SCN3B: variants seen among roughly 807,000 people sequenced by gnomAD.
SCN3B encodes the protein sodium channel regulatory subunit beta-3.
In SCN3B, 11 loss-of-function variants were observed where a neutral mutation model predicts 25.4. That is an observed-to-expected ratio of 0.43 (90% CI 0.27 to 0.72). The LOEUF (loss-of-function observed/expected upper bound fraction) is 0.72, where lower values mean the gene tolerates loss of function less well. SCN3B is among the 30% of genes least tolerant of loss of function. The pLI, the probability that SCN3B is intolerant of heterozygous loss-of-function variation, is 0.18. For missense variants in SCN3B, 218 were observed against 278.3 expected, an observed-to-expected ratio of 0.78 and a Z score of 1.54; for synonymous variants, 109 against 110.7, an observed-to-expected ratio of 0.99 and a Z score of 0.09.
intron 3 of SCN3B, among the ~76,000 whole-genome samples, chr11:123,644,788 AGAGAGAGAGAGAATATATATATAT>A (rs1182507481): frequency 0.024 from 2,503 of 104,712 alleles, 105 homozygotes; most frequent in Admixed American, 0.13. Context: ...AGAGAGAGAG[AGAGAGAGAGAGAATATATATATAT>A]ATATATATAT....
At chr11:123,653,211 T>C (rs1022081489) in intron 2 of SCN3B, among the ~76,000 whole-genome samples, 13 of 152,088 alleles carry the variant, frequency 8.5e-5, no homozygotes, top group Admixed American at 3.9e-4. Context: ...ATTTATTTAA[T>C]ATATAGCAGT....
In SCN3B at chr11:123,645,664, A is replaced by G. The variant is rs1488540851; in HGVS notation, c.142T>C (p.Cys48Arg). Residue 48 changes from cysteine to arginine, a missense_variant, in exon 3 of 7, where the codon TGC (cysteine) becomes CGC (arginine). Coordinates refer to ENST00000299333, the MANE Select transcript of SCN3B (RefSeq NM_001040151.2). Reference sequence around the variant, plus strand: ...GCCTCCACCTCCTCTCTCTTCATGCAGGAGATGCAGCGCAGCTTCATGGGG... The same window carrying G: ...GCCTCCACCTCCTCTCTCTTCATGCGGGAGATGCAGCGCAGCTTCATGGGG... Reference protein sequence around the residue: ...GNPMKLRCISCMKREEVEATT... With the variant: ...GNPMKLRCISRMKREEVEATT... The G allele has an allele frequency of 6.2e-7, 1 of 1,614,176 alleles. No individual in the cohort carries two copies. The highest frequency in any genetic ancestry group is 1.7e-5 in the Admixed American group (1 of 60,028).
intron 5 of SCN3B, among the ~76,000 whole-genome samples, chr11:123,636,600 G>GC (rs1014027131): frequency 3.3e-5 from 5 of 151,662 alleles, no homozygotes; most frequent in African/African-American, 1.2e-4. Flanking sequence ...TATTCATCCT[G>GC]CTCAGGGCAT....
At chr11:123,643,033 G>T (rs1253861384) in intron 3 of SCN3B, among the ~76,000 whole-genome samples, 2 of 152,196 alleles carry the variant, frequency 1.3e-5, no homozygotes, top group Admixed American at 6.5e-5. Context: ...CGGACATTGA[G>T]AGAAAGACAG....
chr11:123,650,053 G>A (rs1028793058), intron 2 of SCN3B, among the ~76,000 whole-genome samples: 3 of 152,162 alleles, frequency 2.0e-5, no homozygotes, highest in African/African-American at 7.2e-5. Flanking sequence ...AAAGAAGGCT[G>A]TAAATATGGC....
intron 5 of SCN3B, among the ~76,000 whole-genome samples, chr11:123,636,972 G>A (rs1305893730): frequency 2.0e-5 from 3 of 152,164 alleles, no homozygotes; most frequent in African/African-American, 7.2e-5. Context: ...GATTACAGAC[G>A]AGAGCCACCG....
Position 123,634,163 on chromosome 11 carries a change from C to A in SCN3B, c.628G>T (p.Ala210Ser). ...CTGTTCTATTCCTCCACTGGTACCG[C>A]AGAGTTCTCCTTGTTCTCAGATGGG... The part of the protein sequence containing the change: ...AIPSENKENS[A>S]VPVEE The change falls in exon 6 of 7, where the codon GCG (alanine) becomes TCG (serine). Residue 210 changes from alanine (A) to serine (S), a missense_variant. Physicochemically the swap from Ala to Ser is moderately conservative, Grantham distance 99. Transcript: ENST00000299333. 1.9e-6 allele frequency: 3 copies of A among 1,613,910 alleles called. No individual in the cohort carries two copies.
chr11:123,638,196 G>C lies in SCN3B; in HGVS notation c.574C>G (p.Gln192Glu), dbSNP rs1349584986. 8.1e-6 allele frequency: 13 copies of C among 1,613,898 alleles called. No homozygotes were observed. Among genetic ancestry groups the C allele is most frequent in the Non-Finnish European group, 1.1e-5 (13 of 1,180,028 alleles). Residue 192 changes from glutamine (Q) to glutamate (E), a missense_variant, in exon 5 of 7, where the codon CAA (glutamine) becomes GAA (glutamate). Coordinates refer to ENST00000299333, the MANE Select transcript of SCN3B (RefSeq NM_001040151.2). ...CATCTCTGGACTTACGCGTTTTCTTGGGCTGCCTCTTCGGCTTTTGAGACC... is the reference window on the plus strand; with the variant it reads ...CATCTCTGGACTTACGCGTTTTCTTCGGCTGCCTCTTCGGCTTTTGAGACC... ...RKVSKAEEAAQENASDYLAIP... is the reference protein window; with the variant it reads ...RKVSKAEEAAEENASDYLAIP...
At position 123,638,487 on chromosome 11, in the gene SCN3B, CACTG is replaced by C. The variant is rs2137236217; in HGVS notation, c.446-167_446-164del. The C allele has an allele frequency of 4.4e-6, 4 of 914,050 alleles. No homozygotes were observed. In the African/African-American group the frequency reaches 6.6e-5, roughly 15 times the overall value. The allele number at this position is 914,050 out of a possible 1,614,324, so 56.6% of individuals were successfully genotyped here. On this transcript the variant is annotated intron_variant, in intron 4 of 6. Coordinates refer to ENST00000299333, the MANE Select transcript of SCN3B (RefSeq NM_001040151.2). ...TGACTCTCCCGCCCATTGGCTTTCT[CACTG>C]ACTGTCATCAGCTGCTCAGGAGCCA...
intron 4 of SCN3B, chr11:123,640,763 T>C (rs903238017): frequency 4.6e-5 from 7 of 152,144 alleles, no homozygotes; most frequent in Non-Finnish European, 1.0e-4. Context: ...ATGACCTCAC[T>C]CACCCCTGCC....
In SCN3B at chr11:123,629,333, A is replaced by G. The variant is rs1955638717; in HGVS notation, c.*4466T>C. On this transcript the variant is annotated 3_prime_UTR_variant, in exon 7 of 7. Transcript: ENST00000299333. ...GATGGCAGTTCACAAGCCTGCAAGC[A>G]CTCGGCCTTCAGCGGCCTCCGTCTC... The G allele has an allele frequency of 6.6e-6, 1 of 152,216 alleles. No homozygotes were observed. The highest frequency in any genetic ancestry group is 1.5e-5 in the Non-Finnish European group (1 of 68,056). 9.4% of individuals were successfully genotyped at this position (152,216 alleles called of 1,614,324 possible). A position where few individuals can be genotyped will look rare whatever the true frequency, so the allele number is the denominator to read the frequency against.
intron 2 of SCN3B, among the ~76,000 whole-genome samples, chr11:123,650,744 C>A (rs1302724579): frequency 6.6e-6 from 1 of 152,160 alleles, no homozygotes; most frequent in Non-Finnish European, 1.5e-5. Context: ...AGACTGAAAT[C>A]AGAAAACAAG....
chr11:123,640,650 G>C (rs1219739384), intron 4 of SCN3B: 1 of 152,210 alleles, frequency 6.6e-6, no homozygotes, highest in African/African-American at 2.4e-5. Flanking sequence ...GCACGTCCCT[G>C]AGCAAGCCCC....
chr11:123,634,971 T>A (rs572996085), intron 5 of SCN3B, among the ~76,000 whole-genome samples: 1 of 152,336 alleles, frequency 6.6e-6, no homozygotes, highest in East Asian at 1.9e-4. Context: ...GAACAGCTGA[T>A]TCTTTACATA....
chr11:123,648,083 G>A (rs912308139), intron 2 of SCN3B, among the ~76,000 whole-genome samples: 2 of 152,212 alleles, frequency 1.3e-5, no homozygotes, highest in Non-Finnish European at 2.9e-5. Context: ...GTGGGCAGAG[G>A]GGTAGAGCGT....
At chr11:123,647,917 C>A (rs1194558330) in intron 2 of SCN3B, among the ~76,000 whole-genome samples, 1 of 152,224 alleles carries the variant, frequency 6.6e-6, no homozygotes, top group East Asian at 1.9e-4. Context: ...TCAAGAGGAC[C>A]TATTGCTTCT....
chr11:123,653,426 G>A (rs1039951635), intron 2 of SCN3B, among the ~76,000 whole-genome samples: 1 of 151,758 alleles, frequency 6.6e-6, no homozygotes, highest in African/African-American at 2.4e-5. Flanking sequence ...CCACACAGGA[G>A]GTTTTTATTC....
At position 123,642,839 on chromosome 11, in the gene SCN3B, C is replaced by G. The variant is rs1955808226; in HGVS notation, c.220-168G>C. Among the ~76,000 whole-genome samples the G allele has an allele frequency of 6.6e-6, 1 of 151,494 alleles. No individual in the cohort carries two copies. The highest frequency in any genetic ancestry group is 1.9e-4 in the East Asian group (1 of 5,168). ...AATGTGGGGGTGGGATGAAGAGGCACAGAGGAGGGTAGGGAAGGGAGCAAA... is the reference window on the plus strand; with the variant it reads ...AATGTGGGGGTGGGATGAAGAGGCAGAGAGGAGGGTAGGGAAGGGAGCAAA... On this transcript the variant is annotated intron_variant, in intron 3 of 6. Coordinates refer to ENST00000299333, the MANE Select transcript of SCN3B (RefSeq NM_001040151.2). This position sits in a 1 kb window ranked among gnomAD's most constrained non-coding sequence, Gnocchi z 4.3.
chr11:123,645,984 A>G (rs1955849584), intron 2 of SCN3B, among the ~76,000 whole-genome samples: 1 of 152,110 alleles, frequency 6.6e-6, no homozygotes, highest in Non-Finnish European at 1.5e-5. Context: ...CATTGACTGA[A>G]ATCCTTCCCC....
Sources: gnomAD v4.1 joint callset for allele counts (sites outside exome capture counted in the v4.1 genomes callset) on GRCh38, gnomAD v4.1.1 for gene constraint, Gnocchi (gnomAD v3.1) non-coding constraint, MANE v1.5 for transcripts, NCBI Gene and HGNC (gene_info 2026-07-23, HGNC 2026-07-21) for gene names.